ATP2B2: variants seen among roughly 807,000 people sequenced by gnomAD.
The protein encoded by ATP2B2 is plasma membrane calcium-transporting ATPase 2.
In ATP2B2, 15 loss-of-function variants were observed where a neutral mutation model predicts 120.0. The observed-to-expected ratio is 0.12, with a 90% confidence interval of 0.08 to 0.19. ATP2B2 has a LOEUF of 0.19. Among genes scored for constraint, ATP2B2 ranks in the 10% least tolerant of loss-of-function variants. ATP2B2 has a pLI of 1.00. For missense variants in ATP2B2, 1,045 were observed against 1,719.8 expected (o/e 0.61, Z 6.94); for synonymous variants, 694 against 700.3 (o/e 0.99, Z 0.14).
intron 3 of ATP2B2, among the ~76,000 whole-genome samples, chr3:10,511,623 C>T (rs1463652284): frequency 6.6e-6 from 1 of 152,096 alleles, no homozygotes; most frequent in Non-Finnish European, 1.5e-5. Context: ...TAAAAGGAGA[C>T]CCCAACTCCA....
chr3:10,495,350 C>A (rs11925329), intron 1 of ATP2B2, among the ~76,000 whole-genome samples: 8,013 of 152,244 alleles, frequency 0.053, 385 homozygotes, highest in African/African-American at 0.13. Context: ...CCTCTTAGGT[C>A]CAATGCAAAG....
intron 22 of ATP2B2, chr3:10,336,221 C>T (rs2060113088): frequency 1.3e-6 from 2 of 1,550,644 alleles, no homozygotes; most frequent in Admixed American, 2.0e-5. Flanking sequence ...TACATCCTGG[C>T]TCTGGCTGGT....
In ATP2B2 at chr3:10,536,191, T is replaced by C. The variant is rs1048379132; in HGVS notation, c.-414-2058A>G. On this transcript the variant is annotated intron_variant, in intron 2 of 21. Coordinates refer to the ATP2B2 transcript ENST00000646379. The stretch of plus-strand genomic sequence containing the variant: ...ATATACTCTTTGTTGAGATGTCTTT[T>C]GCCCATTTTTAAATTGGATTTTTAA... 1.4e-4 allele frequency among the ~76,000 whole-genome samples: 22 copies of C among 152,254 alleles called. 2 individuals are homozygous for C. The highest frequency in any genetic ancestry group is 1.3e-3 in the Admixed American group (20 of 15,288).
At chr3:10,582,843 C>A (rs1358466219) in intron 2 of ATP2B2, among the ~76,000 whole-genome samples, 1 of 152,192 alleles carries the variant, frequency 6.6e-6, no homozygotes, top group Non-Finnish European at 1.5e-5. Context: ...CAAGGGCAGC[C>A]ACACCACATG....
chr3:10,594,271 C>G (rs1222872893), intron 2 of ATP2B2, among the ~76,000 whole-genome samples: 1 of 152,146 alleles, frequency 6.6e-6, no homozygotes. Flanking sequence ...TGCACACTTA[C>G]ATTTATTGTG....
At chr3:10,350,253 G>T in intron 15 of ATP2B2, 54 bp from the exon 16 acceptor site, 1 of 1,582,750 alleles carries the variant, frequency 6.3e-7, no homozygotes, top group Non-Finnish European at 8.6e-7. Context: ...GAGAAACTGA[G>T]GCCTGGAGAA....
At chr3:10,376,462 T>G (rs765166902) in intron 10 of ATP2B2, among the ~76,000 whole-genome samples, 1 of 152,072 alleles carries the variant, frequency 6.6e-6, no homozygotes, top group South Asian at 2.1e-4. Flanking sequence ...GAGGCTCAGA[T>G]AGGGGAAGTG....
At chr3:10,601,493 C>T (rs530300209) in intron 2 of ATP2B2, among the ~76,000 whole-genome samples, 5 of 152,278 alleles carry the variant, frequency 3.3e-5, no homozygotes, top group East Asian at 3.9e-4. Context: ...TGCTGGGCCT[C>T]GGTTACCTCA....
At chr3:10,629,642 G>C (rs952266210) in intron 1 of ATP2B2, among the ~76,000 whole-genome samples, 23 of 152,282 alleles carry the variant, frequency 1.5e-4, no homozygotes, top group African/African-American at 5.5e-4. Flanking sequence ...AAGTGGCCGA[G>C]TGGGGATGAA....
intron 1 of ATP2B2, among the ~76,000 whole-genome samples, chr3:10,701,813 A>T (rs1157307739): frequency 6.6e-6 from 1 of 151,994 alleles, no homozygotes; most frequent in African/African-American, 2.4e-5. Context: ...TTTAGCACAA[A>T]CATCTCCAGT....
In ATP2B2 at chr3:10,329,727, A is replaced by G. The variant is rs143602920; in HGVS notation, c.3421-602T>C. The stretch of plus-strand genomic sequence containing the variant: ...CATCAAACCAAAGGCAGCAAAGCAA[A>G]CCAAAGCCAACCCAGGGCTTTCTGA... On this transcript the variant is annotated intron_variant, in intron 22 of 22. Transcript: ENST00000360273. The surrounding 1 kb of genome is among the most constrained non-coding windows in gnomAD (Gnocchi z 5.9). Among the ~76,000 whole-genome samples the G allele has an allele frequency of 6.6e-6, 1 of 152,336 alleles. No individual in the cohort carries two copies. The highest frequency in any genetic ancestry group is 1.9e-4 in the East Asian group (1 of 5,184).
intron 2 of ATP2B2, among the ~76,000 whole-genome samples, chr3:10,438,446 C>T (rs1245651644): frequency 6.6e-6 from 1 of 152,240 alleles, no homozygotes; most frequent in Non-Finnish European, 1.5e-5. Context: ...GTGTCAGATA[C>T]TCTCATCACA....
Position 10,340,565 on chromosome 3 carries a change from C to T in ATP2B2, c.3057G>A (p.Glu1019=). 1 of 1,614,242 alleles carries T rather than the reference C, an allele frequency of 6.2e-7. No individual in the cohort carries two copies. The highest frequency in any genetic ancestry group is 8.5e-7 in the Non-Finnish European group (1 of 1,180,050). The change falls in exon 20 of 23, where the codon GAG becomes GAA. Residue 1019 remains glutamate, a synonymous_variant. Transcript: ENST00000360273. The surrounding 1 kb of genome is among the most constrained non-coding windows in gnomAD (Gnocchi z 5.0). The part of the protein sequence containing the change: ...NEINARKIHG[E]RNVFDGIFRN... ...GGAAGATGCCGTCAAAGACATTGCG[C>T]TCGCCGTGGATCTTGCGGGCGTTGA...
intron 2 of ATP2B2, among the ~76,000 whole-genome samples, chr3:10,444,139 G>C (rs2063758030): frequency 6.6e-6 from 1 of 152,218 alleles, no homozygotes; most frequent in Admixed American, 6.5e-5. Flanking sequence ...TGAAGGCGCT[G>C]GAGTGGGGCA....
At chr3:10,495,276 G>C (rs2066098983) in intron 1 of ATP2B2, among the ~76,000 whole-genome samples, 1 of 152,184 alleles carries the variant, frequency 6.6e-6, no homozygotes, top group South Asian at 2.1e-4. Flanking sequence ...TAATACCATG[G>C]ACAGGGTGCT....
In ATP2B2 at chr3:10,556,223, G is replaced by C. The variant is rs190112231; in HGVS notation, c.-414-22090C>G. 2.0e-5 allele frequency among the ~76,000 whole-genome samples: 3 copies of C among 152,300 alleles called. No homozygotes were observed. In the East Asian group the frequency reaches 5.8e-4, roughly 29 times the overall value. On this transcript the variant is annotated intron_variant, in intron 2 of 21. Transcript: ENST00000646379. ...CCAGAAGCCCATTTTATGACAGGCA[G>C]TGCTCACGGAAAACCCAGGTTCTCC...
intron 12 of ATP2B2, among the ~76,000 whole-genome samples, chr3:10,368,558 A>G (rs916427277): frequency 1.6e-4 from 24 of 151,686 alleles, no homozygotes; most frequent in Admixed American, 1.6e-3. Flanking sequence ...CCATCCACCT[A>G]CCAGCCAATA....
In ATP2B2 at chr3:10,482,062, C is replaced by T. The variant is rs79639031; in HGVS notation, c.-320+23403G>A. ...GGAATGTCCCAGACAAACCTGGACA[C>T]GTTAGTCCCCCTAGACTGCTTTCAT... On this transcript the variant is annotated intron_variant, in intron 1 of 22. Transcript: ENST00000360273. Among the ~76,000 whole-genome samples the T allele has an allele frequency of 6.6e-3, 998 of 152,264 alleles. 4 individuals carry two copies. Among genetic ancestry groups the T allele is most frequent in the Middle Eastern group, 0.017 (5 of 294 alleles).
chr3:10,532,795 C>A (rs1275411714), intron 3 of ATP2B2, among the ~76,000 whole-genome samples: 5 of 152,258 alleles, frequency 3.3e-5, no homozygotes, highest in Non-Finnish European at 5.9e-5. Context: ...CTTGTTTGCT[C>A]CCTCCCTGAG....
Sources: allele counts gnomAD v4.1 joint callset (sites outside exome capture counted in the v4.1 genomes callset), GRCh38; gene constraint gnomAD v4.1.1; non-coding constraint Gnocchi (gnomAD v3.1); transcripts MANE v1.5; gene names NCBI Gene and HGNC (gene_info 2026-07-23, HGNC 2026-07-21).